KCNK12: variants seen among roughly 807,000 people sequenced by gnomAD.
The protein encoded by KCNK12 is potassium two pore domain channel subfamily K member 12.
KCNK12 carries 6 observed loss-of-function variants against 25.3 expected under a neutral mutation model. The ratio of observed to expected loss-of-function variants is 0.24; its 90% confidence interval spans 0.13 to 0.47. The LOEUF is 0.47. Among genes scored for constraint, KCNK12 ranks in the 20% least tolerant of loss-of-function variants. The probability of loss-of-function intolerance (pLI) is 0.99; values close to 1 mark genes in which losing one functional copy is unlikely to be tolerated. For missense variants in KCNK12, 444 were observed against 661.7 expected, an observed-to-expected ratio of 0.67 and a Z score of 3.61; for synonymous variants, 331 against 311.1, an observed-to-expected ratio of 1.06 and a Z score of -0.67.
intron 1 of KCNK12, among the ~76,000 whole-genome samples, chr2:47,567,666 G>T (rs543814474): frequency 5.1e-4 from 77 of 152,310 alleles, no homozygotes; most frequent in African/African-American, 1.8e-3. Flanking sequence ...ACAGAGGCCT[G>T]GTTCAACCCT....
At position 47,510,017 on chromosome 2, in the gene KCNK12, C is replaced by G. The variant is rs1347772037; in HGVS notation, c.*10890G>C. 2 of 152,248 alleles carry G rather than the reference C, an allele frequency of 1.3e-5. No homozygotes were observed. Among genetic ancestry groups the G allele is most frequent in the African/African-American group, 2.4e-5 (1 of 41,450 alleles). 9.4% of individuals were successfully genotyped at this position (152,248 alleles called of 1,614,324 possible). A position where few individuals can be genotyped will look rare whatever the true frequency, so the allele number is the denominator to read the frequency against. Reference sequence around the variant, plus strand: ...TACAGAGGACTGAAAGCACAACACTCTCTCCCTCCCTCCCTTATAGGTGGT... The same window carrying G: ...TACAGAGGACTGAAAGCACAACACTGTCTCCCTCCCTCCCTTATAGGTGGT... On this transcript the variant is annotated 3_prime_UTR_variant, in exon 2 of 2. Transcript: ENST00000327876.
chr2:47,563,582 C>G (rs1315356863), intron 1 of KCNK12: 1 of 232,960 alleles, frequency 4.3e-6, no homozygotes, highest in Non-Finnish European at 8.5e-6. Flanking sequence ...CCGCTTTGGG[C>G]TGGTCTTGGA....
chr2:47,533,568 C>T lies in KCNK12; in HGVS notation c.392-11760G>A, dbSNP rs945371301. On this transcript the variant is annotated intron_variant, in intron 1 of 1. Transcript: ENST00000327876. This position sits in a 1 kb window ranked among gnomAD's most constrained non-coding sequence, Gnocchi z 4.7. ...TAGGCACAGTCAAGCCTGGCTCTACCATTGGCTCGCCGTTCTCCTACCTCG... is the reference window on the plus strand; with the variant it reads ...TAGGCACAGTCAAGCCTGGCTCTACTATTGGCTCGCCGTTCTCCTACCTCG... Among the ~76,000 whole-genome samples, 6 of 152,204 alleles carry T rather than the reference C, an allele frequency of 3.9e-5. No individual in the cohort carries two copies. The highest frequency in any genetic ancestry group is 5.9e-5 in the Non-Finnish European group (4 of 68,034).
At chr2:47,526,244 A>C (rs1210969909) in intron 1 of KCNK12, among the ~76,000 whole-genome samples, 3 of 150,872 alleles carry the variant, frequency 2.0e-5, no homozygotes, top group Non-Finnish European at 4.4e-5. Context: ...AAAATACAAA[A>C]AAAAAAAAAA....
rs2104708025 is a variant in KCNK12, at chr2:47,519,119, G to A, written c.*1788C>T. On this transcript the variant is annotated 3_prime_UTR_variant, in exon 2 of 2. Coordinates refer to ENST00000327876, the MANE Select transcript of KCNK12 (RefSeq NM_022055.2). ...TCTCCTGGCCAGCGCTGCTTCACTG[G>A]CTTCACCCCAGATTAGGGCCTGTGT... 1 of 152,314 alleles carries A rather than the reference G, an allele frequency of 6.6e-6. No individual in the cohort carries two copies. The highest frequency in any genetic ancestry group is 2.4e-5 in the African/African-American group (1 of 41,546). 9.4% of individuals were successfully genotyped at this position (152,314 alleles called of 1,614,324 possible).
chr2:47,518,881 T>C lies in KCNK12; in HGVS notation c.*2026A>G, dbSNP rs1261359632. ...TGGATGCCTTTTAATCGTTCCCTTT[T>C]TTAAAGGGATAAATGTGGATTTTAT... On this transcript the variant is annotated 3_prime_UTR_variant, in exon 2 of 2. Coordinates refer to ENST00000327876, the MANE Select transcript of KCNK12 (RefSeq NM_022055.2). This position sits in a 1 kb window ranked among gnomAD's most constrained non-coding sequence, Gnocchi z 4.1. The C allele has an allele frequency of 3.3e-5, 5 of 152,254 alleles. No individual in the cohort carries two copies. Among genetic ancestry groups the C allele is most frequent in the Non-Finnish European group, 5.9e-5 (4 of 68,052 alleles). The allele number at this position is 152,254 out of a possible 1,614,324, so 9.4% of individuals were successfully genotyped here.
chr2:47,540,455 T>C lies in KCNK12; in HGVS notation c.392-18647A>G, dbSNP rs552192903. Among the ~76,000 whole-genome samples the C allele has an allele frequency of 5.3e-5, 8 of 152,210 alleles. No homozygotes were observed. The East Asian group carries it at 1.5e-3, about 29-fold the overall frequency. On this transcript the variant is annotated intron_variant, in intron 1 of 1. Coordinates refer to ENST00000327876, the MANE Select transcript of KCNK12 (RefSeq NM_022055.2). This position sits in a 1 kb window ranked among gnomAD's most constrained non-coding sequence, Gnocchi z 5.4. ...AATGCCATCTCTAAATTAAAATGGGTGATCAGAAAATAGCAGGTGAACGAT... is the reference window on the plus strand; with the variant it reads ...AATGCCATCTCTAAATTAAAATGGGCGATCAGAAAATAGCAGGTGAACGAT...
chr2:47,548,217 T>A lies in KCNK12; in HGVS notation c.391+21724A>T, dbSNP rs901843880. The stretch of plus-strand genomic sequence containing the variant: ...AAATTACCCACTCTCAGGTATCTTC[T>A]TCAGTGATGATAACATTGCTTTAGC... On this transcript the variant is annotated intron_variant, in intron 1 of 1. Transcript: ENST00000327876. This position sits in a 1 kb window ranked among gnomAD's most constrained non-coding sequence, Gnocchi z 4.4. Among the ~76,000 whole-genome samples, 27 of 152,184 alleles carry A rather than the reference T, an allele frequency of 1.8e-4. No individual in the cohort carries two copies. The highest frequency in any genetic ancestry group is 6.3e-4 in the African/African-American group (26 of 41,420).
At position 47,517,963 on chromosome 2, in the gene KCNK12, G is replaced by C. The variant is rs1438064736; in HGVS notation, c.*2944C>G. 6.6e-6 allele frequency: 1 copy of C among 152,228 alleles called. No homozygotes were observed. Among genetic ancestry groups the C allele is most frequent in the South Asian group, 2.1e-4 (1 of 4,822 alleles). 9.4% of individuals were successfully genotyped at this position (152,228 alleles called of 1,614,324 possible). On this transcript the variant is annotated 3_prime_UTR_variant, in exon 2 of 2. Transcript: ENST00000327876. This position sits in a 1 kb window ranked among gnomAD's most constrained non-coding sequence, Gnocchi z 4.1. The stretch of plus-strand genomic sequence containing the variant: ...AATCCTGGAGCATGAGGAAATTGTA[G>C]GCTACAGTGAGCTACCAGTGGTGTG...
intron 1 of KCNK12, among the ~76,000 whole-genome samples, chr2:47,558,921 A>T (rs1669605363): frequency 6.6e-6 from 1 of 152,196 alleles, no homozygotes; most frequent in Non-Finnish European, 1.5e-5. Context: ...GTTTCTAAGG[A>T]ATGTGTCCTG....
chr2:47,550,929 T>C (rs974753713), intron 1 of KCNK12, among the ~76,000 whole-genome samples: 2 of 152,158 alleles, frequency 1.3e-5, no homozygotes, highest in South Asian at 4.2e-4. Flanking sequence ...CCCGTACAGT[T>C]TTTTTTGAAC....
At chr2:47,544,415 T>A (rs1056664866) in intron 1 of KCNK12, among the ~76,000 whole-genome samples, 2 of 152,230 alleles carry the variant, frequency 1.3e-5, no homozygotes, top group African/African-American at 2.4e-5. Context: ...GAGAACCACA[T>A]TTGGGAAGAC....
At chr2:47,522,458 GA>G (rs1270895817) in intron 1 of KCNK12, among the ~76,000 whole-genome samples, 1 of 152,144 alleles carries the variant, frequency 6.6e-6, no homozygotes, top group East Asian at 1.9e-4. Flanking sequence ...CAGGCACTTC[GA>G]AAAGGCCTTT....
intron 1 of KCNK12, among the ~76,000 whole-genome samples, chr2:47,559,090 T>C (rs923596835): frequency 4.6e-5 from 7 of 152,220 alleles, no homozygotes; most frequent in African/African-American, 7.2e-5. Flanking sequence ...AACTGAACTT[T>C]TCCTACTGCT....
At chr2:47,546,723 C>T (rs771969192) in intron 1 of KCNK12, among the ~76,000 whole-genome samples, 1 of 152,184 alleles carries the variant, frequency 6.6e-6, no homozygotes, top group Non-Finnish European at 1.5e-5. Context: ...TACCTACTCT[C>T]CCTCTTAAGA....
At chr2:47,534,421 C>A (rs960137540) in intron 1 of KCNK12, among the ~76,000 whole-genome samples, 5 of 141,442 alleles carry the variant, frequency 3.5e-5, no homozygotes, top group African/African-American at 1.4e-4. Flanking sequence ...TTACATACAG[C>A]CCGTCTCCAG....
intron 1 of KCNK12, among the ~76,000 whole-genome samples, chr2:47,545,416 T>G (rs1572598768): frequency 6.6e-6 from 1 of 152,230 alleles, no homozygotes; most frequent in East Asian, 1.9e-4. Flanking sequence ...TAGCTTCCCC[T>G]GAAAGAAACC....
intron 1 of KCNK12, among the ~76,000 whole-genome samples, chr2:47,552,515 C>A (rs1669459133): frequency 6.6e-6 from 1 of 152,210 alleles, no homozygotes; most frequent in Non-Finnish European, 1.5e-5. Flanking sequence ...TGCCTGTAAT[C>A]CCAACACTTT....
Position 47,538,675 on chromosome 2 carries a change from G to A in KCNK12, c.392-16867C>T, listed in dbSNP as rs1669129761. Among the ~76,000 whole-genome samples the A allele has an allele frequency of 6.6e-6, 1 of 152,166 alleles. No homozygotes were observed. The highest frequency in any genetic ancestry group is 2.1e-4 in the South Asian group (1 of 4,832). On this transcript the variant is annotated intron_variant, in intron 1 of 1. Transcript: ENST00000327876. The surrounding 1 kb of genome is among the most constrained non-coding windows in gnomAD (Gnocchi z 4.5). ...AATCCCAGTTACTTGGAAGGCTGAGGCAGGAGAATCATTTGAACCCAGGAG... is the reference window on the plus strand; with the variant it reads ...AATCCCAGTTACTTGGAAGGCTGAGACAGGAGAATCATTTGAACCCAGGAG...
Sources: gnomAD v4.1 joint callset for allele counts (sites outside exome capture counted in the v4.1 genomes callset) on GRCh38, gnomAD v4.1.1 for gene constraint, Gnocchi (gnomAD v3.1) non-coding constraint, MANE v1.5 for transcripts, NCBI Gene and HGNC (gene_info 2026-07-23, HGNC 2026-07-21) for gene names.